LCMT1: variants seen among roughly 807,000 people sequenced by gnomAD.
LCMT1 encodes the protein leucine carboxyl methyltransferase 1.
LCMT1 carries 32 observed loss-of-function variants against 47.7 expected under a neutral mutation model. The observed-to-expected ratio is 0.67, with a 90% CI of 0.51 to 0.90. The LOEUF is 0.90. Ranked by LOEUF, LCMT1 falls within the 40% of genes least tolerant of loss-of-function variation. LCMT1 has a pLI of 0.00. For synonymous variants in LCMT1, 152 were observed against 149.7 expected (o/e 1.02, Z -0.11); for missense variants, 375 against 415.2 (o/e 0.90, Z 0.84).
chr16:25,164,910 T>C (rs1215698346), intron 7 of LCMT1, among the ~76,000 whole-genome samples, 192 bp downstream of exon 7: 3 of 152,240 alleles, frequency 2.0e-5, no homozygotes, highest in Admixed American at 2.0e-4. Flanking sequence ...TAGCCAGTTA[T>C]TAGAACTTCT....
intron 1 of LCMT1, among the ~76,000 whole-genome samples, chr16:25,115,873 T>A (rs556278930): frequency 6.6e-6 from 1 of 152,304 alleles, no homozygotes; most frequent in East Asian, 1.9e-4. Context: ...AGAAGGGGTT[T>A]CACCATGTTG....
intron 10 of LCMT1, among the ~76,000 whole-genome samples, chr16:25,176,889 T>G (rs1238190889): frequency 1.3e-5 from 2 of 150,950 alleles, no homozygotes; most frequent in Admixed American, 6.6e-5. Flanking sequence ...TTTAAAGTCA[T>G]TTATTGTGAA....
At chr16:25,117,132 G>A (rs1317264347) in intron 1 of LCMT1, among the ~76,000 whole-genome samples, 1 of 152,156 alleles carries the variant, frequency 6.6e-6, no homozygotes, top group Non-Finnish European at 1.5e-5. Context: ...CTTGGTTTGT[G>A]TTTTAGAAAA....
rs370146259 is a variant in LCMT1, at chr16:25,132,534, A to T, written c.327+11A>T. 4 of 1,611,048 alleles carry T rather than the reference A, an allele frequency of 2.5e-6. No individual in the cohort carries two copies. The South Asian group carries it at 3.3e-5, about 13-fold the overall frequency. On this transcript the variant is annotated intron_variant, in intron 3 of 10. Transcript: ENST00000399069. Reference sequence around the variant, plus strand: ...TTCTGGAGATTAAAGGTATGTTCAAATTCCCCTCCTCCCTCCCCAAGTGTT... The same window carrying T: ...TTCTGGAGATTAAAGGTATGTTCAATTTCCCCTCCTCCCTCCCCAAGTGTT...
At chr16:25,158,273 T>A (rs1302696980) in intron 5 of LCMT1, among the ~76,000 whole-genome samples, 2 of 152,342 alleles carry the variant, frequency 1.3e-5, no homozygotes, top group Non-Finnish European at 2.9e-5. Context: ...TGCCTCAGCC[T>A]CTCAAGTAGC....
intron 5 of LCMT1, among the ~76,000 whole-genome samples, chr16:25,155,057 CAGTG>C (rs1348177818): frequency 2.0e-5 from 3 of 152,176 alleles, no homozygotes; most frequent in Non-Finnish European, 4.4e-5. Flanking sequence ...AGGCTGTTGA[CAGTG>C]AGAATCACCA....
intron 5 of LCMT1, 69 bp from the exon 6 acceptor site, chr16:25,161,033 A>C: frequency 2.1e-6 from 2 of 936,838 alleles, no homozygotes; most frequent in Non-Finnish European, 1.6e-6. Flanking sequence ...GTAAGGAAAA[A>C]CCATAAGGCT....
At chr16:25,139,491 CAG>C (rs1370938711) in intron 3 of LCMT1, among the ~76,000 whole-genome samples, 3 of 151,224 alleles carry the variant, frequency 2.0e-5, no homozygotes, top group Non-Finnish European at 2.9e-5. Flanking sequence ...GCCTGGGTGA[CAG>C]AGTGAGACTC....
chr16:25,170,492 C>A (rs1319121010), intron 8 of LCMT1, among the ~76,000 whole-genome samples: 3 of 152,108 alleles, frequency 2.0e-5, no homozygotes, highest in African/African-American at 7.2e-5. Flanking sequence ...GTACCAAGCA[C>A]ACTGGCTCAC....
chr16:25,156,620 G>A (rs1961263797), intron 5 of LCMT1, among the ~76,000 whole-genome samples: 1 of 152,192 alleles, frequency 6.6e-6, no homozygotes, highest in African/African-American at 2.4e-5. Flanking sequence ...CTGGGGCTCG[G>A]GTGGCAGGAG....
At chr16:25,151,471 CT>C in intron 4 of LCMT1, 82 bp from the exon 5 acceptor site, 1 of 1,167,592 alleles carries the variant, frequency 8.6e-7, no homozygotes, top group East Asian at 2.5e-5. Flanking sequence ...TAGTGAGTGT[CT>C]GCATTTGTGC....
chr16:25,117,540 TG>T (rs1301453199), intron 1 of LCMT1, among the ~76,000 whole-genome samples: 1 of 152,150 alleles, frequency 6.6e-6, no homozygotes, highest in Non-Finnish European at 1.5e-5. Flanking sequence ...ACTCAGTGAA[TG>T]GTGCCATGGT....
intron 5 of LCMT1, among the ~76,000 whole-genome samples, chr16:25,155,242 A>T (rs1015504167): frequency 2.6e-5 from 4 of 152,206 alleles, no homozygotes; most frequent in Non-Finnish European, 1.5e-5. Flanking sequence ...TCAAAAGTGT[A>T]CAAATGGGCA....
At chr16:25,161,830 C>T (rs1465756155) in intron 6 of LCMT1, among the ~76,000 whole-genome samples, 1 of 150,344 alleles carries the variant, frequency 6.7e-6, no homozygotes, top group Non-Finnish European at 1.5e-5. Flanking sequence ...AAAAAAAAAA[C>T]CTCAGAAAAA....
chr16:25,174,671 T>C (rs1192664043), intron 9 of LCMT1: 1 of 214,342 alleles, frequency 4.7e-6, no homozygotes, highest in Non-Finnish European at 9.2e-6. Flanking sequence ...AACAGCTCTT[T>C]ATATAATAAG....
In LCMT1 at chr16:25,129,497, C is replaced by T. The variant is rs1030423811; in HGVS notation, c.205+931C>T. On this transcript the variant is annotated intron_variant, in intron 2 of 10. Coordinates refer to ENST00000399069, the MANE Select transcript of LCMT1 (RefSeq NM_016309.3). The stretch of plus-strand genomic sequence containing the variant: ...GAGGATCATTTTCATGTGTTTGAAG[C>T]CCATTTAAATATCTTTCACTGTAAA... Among the ~76,000 whole-genome samples the T allele has an allele frequency of 3.9e-5, 6 of 152,280 alleles. No homozygotes were observed. In the South Asian group the frequency reaches 8.3e-4, roughly 21 times the overall value.
intron 1 of LCMT1, among the ~76,000 whole-genome samples, chr16:25,113,125 T>G (rs1597551493): frequency 9.0e-6 from 1 of 110,622 alleles, no homozygotes; most frequent in African/African-American, 3.7e-5. Context: ...TGGATGAGAG[T>G]GCGAGACTAT....
chr16:25,151,727 T>TGTGTGTGG, intron 5 of LCMT1, 112 bp downstream of exon 5: 1 of 154,688 alleles, frequency 6.5e-6, no homozygotes, highest in South Asian at 3.0e-4. Flanking sequence ...GTGTGTGGTG[T>TGTGTGTGG]TATACAATGT....
intron 1 of LCMT1, among the ~76,000 whole-genome samples, chr16:25,122,973 T>G (rs1450937666): frequency 6.6e-6 from 1 of 152,160 alleles, no homozygotes; most frequent in East Asian, 1.9e-4. Flanking sequence ...ATCTTTGTGA[T>G]GCAGAATCTG....
Sources: allele counts gnomAD v4.1 joint callset (sites outside exome capture counted in the v4.1 genomes callset), GRCh38; gene constraint gnomAD v4.1.1; transcripts MANE v1.5; gene names NCBI Gene and HGNC (gene_info 2026-07-23, HGNC 2026-07-21).